Variants in CALN1 observed in about 807,000 individuals in gnomAD.
CALN1 encodes the protein calneuron 1.
Under a neutral mutation model 30.6 loss-of-function variants are expected in CALN1, and 17 were observed. That is an observed-to-expected ratio of 0.56 (90% CI 0.38 to 0.83). The LOEUF is 0.83. CALN1 is among the 40% of genes least tolerant of loss of function. CALN1 has a pLI of 0.00. For missense variants in CALN1, 291 were observed against 354.9 expected (o/e 0.82, Z 1.45); for synonymous variants, 156 against 131.4 (o/e 1.19, Z -1.28).
chr7:71,850,650 T>C (rs1309771517), intron 5 of CALN1, among the ~76,000 whole-genome samples: 1 of 152,228 alleles, frequency 6.6e-6, no homozygotes, highest in African/African-American at 2.4e-5. Context: ...GAGGGATCTA[T>C]ACTAAAGTAA....
chr7:72,324,706 C>T (rs1801146441), intron 2 of CALN1, among the ~76,000 whole-genome samples: 3 of 151,936 alleles, frequency 2.0e-5, no homozygotes, highest in Admixed American at 2.0e-4. Context: ...CTCAGCCTCC[C>T]GAGTAGCTGG....
At position 71,990,062 on chromosome 7, in the gene CALN1, G is replaced by C. The variant is rs556322632; in HGVS notation, c.501+33595C>G. On this transcript the variant is annotated intron_variant, in intron 5 of 6. Transcript: ENST00000395275. ...TTCCCAGGAGGTTAAGTCATTCTAA[G>C]TCACAGGATGAGATTGGAGTTTGGC... 1.1e-4 allele frequency among the ~76,000 whole-genome samples: 16 copies of C among 152,258 alleles called. No individual in the cohort carries two copies. In the South Asian group the frequency reaches 3.3e-3, roughly 32 times the overall value.
intron 2 of CALN1, among the ~76,000 whole-genome samples, chr7:72,395,351 ACG>A (rs67070205): frequency 0.015 from 1,202 of 80,916 alleles, 15 homozygotes; most frequent in African/African-American, 0.051. Flanking sequence ...CACGCTGCGC[ACG>A]CGCGCGCACA....
At chr7:71,966,233 G>A (rs747072191) in intron 5 of CALN1, among the ~76,000 whole-genome samples, 4 of 152,188 alleles carry the variant, frequency 2.6e-5, no homozygotes, top group Non-Finnish European at 4.4e-5. Flanking sequence ...GTGTGGCTAT[G>A]TTGCAGTATA....
chr7:71,902,756 C>T (rs555761323), intron 5 of CALN1, among the ~76,000 whole-genome samples: 3 of 151,966 alleles, frequency 2.0e-5, no homozygotes, highest in Non-Finnish European at 4.4e-5. Flanking sequence ...AGAAGTATTG[C>T]ATAAGGAAAA....
chr7:71,922,835 AAATATAT>A (rs1195615282), intron 5 of CALN1, among the ~76,000 whole-genome samples: 331 of 138,990 alleles, frequency 2.4e-3, no homozygotes, highest in African/African-American at 8.2e-3. Flanking sequence ...GAATATATAT[AAATATAT>A]AATATATAAT....
chr7:72,083,744 C>T (rs1009797292), intron 4 of CALN1, among the ~76,000 whole-genome samples: 2 of 152,100 alleles, frequency 1.3e-5, no homozygotes, highest in African/African-American at 4.8e-5. Context: ...CATGGTGAAA[C>T]CCCCTCTCTA....
intron 4 of CALN1, among the ~76,000 whole-genome samples, chr7:72,043,279 C>T (rs189003170): frequency 2.0e-5 from 3 of 152,286 alleles, no homozygotes; most frequent in African/African-American, 7.2e-5. Flanking sequence ...CAAAGTAAAA[C>T]AAAGGTCTGG....
chr7:72,063,607 T>A (rs1029768385), intron 4 of CALN1, among the ~76,000 whole-genome samples: 1 of 152,174 alleles, frequency 6.6e-6, no homozygotes, highest in Non-Finnish European at 1.5e-5. Flanking sequence ...AATCATTCCA[T>A]GTACTGGCAG....
chr7:72,009,801 C>A (rs58863475), intron 5 of CALN1, among the ~76,000 whole-genome samples: 1 of 152,144 alleles, frequency 6.6e-6, no homozygotes, highest in South Asian at 2.1e-4. Flanking sequence ...GTAAGACATG[C>A]CTTTCACCTT....
chr7:72,123,744 C>G (rs984400418), intron 3 of CALN1, among the ~76,000 whole-genome samples: 1 of 152,164 alleles, frequency 6.6e-6, no homozygotes, highest in African/African-American at 2.4e-5. Flanking sequence ...TGATAAAGAG[C>G]TGACTATGAA....
chr7:72,396,242 A>AAAAAAAAG (rs1554399549), intron 2 of CALN1, among the ~76,000 whole-genome samples: 5 of 93,200 alleles, frequency 5.4e-5, no homozygotes, highest in African/African-American at 3.5e-4. Flanking sequence ...TACTAAAAAA[A>AAAAAAAAG]AAAAAAAAAA....
At chr7:72,163,971 A>T (rs1298109488) in intron 3 of CALN1, among the ~76,000 whole-genome samples, 1 of 152,164 alleles carries the variant, frequency 6.6e-6, no homozygotes, top group Admixed American at 6.5e-5. Flanking sequence ...AATGTAAAGA[A>T]AGGAGATAAA....
chr7:72,435,473 C>T lies in CALN1; in HGVS notation c.-226+11569G>A, dbSNP rs144564203. Among the ~76,000 whole-genome samples, 613 of 152,332 alleles carry T rather than the reference C, an allele frequency of 4.0e-3. 2 individuals are homozygous for T. Among genetic ancestry groups the T allele is most frequent in the African/African-American group, 0.014 (577 of 41,570 alleles). Reference sequence around the variant, plus strand: ...AGAAACGCAAGGCCCCATTCATCCACGCCTCCCTCGGCCTGCGGGGGCCTC... The same window carrying T: ...AGAAACGCAAGGCCCCATTCATCCATGCCTCCCTCGGCCTGCGGGGGCCTC... On this transcript the variant is annotated intron_variant, in intron 1 of 6. Transcript: ENST00000395276.
chr7:72,052,189 T>C (rs554199554), intron 4 of CALN1, among the ~76,000 whole-genome samples: 1 of 152,240 alleles, frequency 6.6e-6, no homozygotes, highest in Admixed American at 6.5e-5. Flanking sequence ...GGACAAACAT[T>C]TAAAAAATCA....
intron 1 of CALN1, among the ~76,000 whole-genome samples, chr7:72,437,603 C>T (rs115876475): frequency 0.012 from 1,825 of 151,850 alleles, 33 homozygotes; most frequent in African/African-American, 0.042. Flanking sequence ...TATCTTTTCT[C>T]TCCTCTATAT....
At chr7:71,948,103 A>C (rs930733922) in intron 5 of CALN1, among the ~76,000 whole-genome samples, 1 of 152,106 alleles carries the variant, frequency 6.6e-6, no homozygotes, top group African/African-American at 2.4e-5. Context: ...GCGATAGTGC[A>C]TGCAGGGAAA....
intron 5 of CALN1, among the ~76,000 whole-genome samples, chr7:71,986,086 CA>C (rs1402454625): frequency 6.6e-6 from 1 of 151,038 alleles, no homozygotes; most frequent in Non-Finnish European, 1.5e-5. Context: ...TCTTGCTCTG[CA>C]CCTAGGCTGG....
At chr7:71,899,726 A>C (rs1297300107) in intron 5 of CALN1, among the ~76,000 whole-genome samples, 1 of 152,216 alleles carries the variant, frequency 6.6e-6, no homozygotes, top group Non-Finnish European at 1.5e-5. Context: ...TCCAGGTATT[A>C]AAGCATATAA....
Sources: allele counts gnomAD v4.1 joint callset (sites outside exome capture counted in the v4.1 genomes callset), GRCh38; gene constraint gnomAD v4.1.1; transcripts MANE v1.5; gene names NCBI Gene and HGNC (gene_info 2026-07-23, HGNC 2026-07-21).